EPDR1: variants seen among roughly 807,000 people sequenced by gnomAD.
EPDR1 encodes the protein mammalian ependymin-related protein 1.
In EPDR1, 27 loss-of-function variants were observed where a neutral mutation model predicts 23.7. The observed-to-expected ratio is 1.14, with a 90% CI of 0.84 to 1.57. EPDR1 has a LOEUF of 1.57. EPDR1 is among the 40% of genes most tolerant of loss of function. EPDR1 has a pLI of 0.00. For missense variants in EPDR1, 349 were observed against 290.4 expected (o/e 1.20, Z -1.47); for synonymous variants, 137 against 118.2 (o/e 1.16, Z -1.03).
intron 1 of EPDR1, among the ~76,000 whole-genome samples, chr7:37,944,024 T>C (rs1449280421): frequency 1.3e-5 from 2 of 152,162 alleles, no homozygotes; most frequent in African/African-American, 4.8e-5. Flanking sequence ...CCCGGGTCTC[T>C]CCATGGAGCA....
chr7:37,950,300 C>T lies in EPDR1; in HGVS notation c.579C>T (p.Asp193=), dbSNP rs1458747585. 1 of 1,614,038 alleles carries T rather than the reference C, an allele frequency of 6.2e-7. No homozygotes were observed. Among genetic ancestry groups the T allele is most frequent in the Non-Finnish European group, 8.5e-7 (1 of 1,179,978 alleles). Residue 193 remains aspartate, a synonymous_variant, in exon 3 of 3, where the codon GAC becomes GAT. Coordinates refer to ENST00000199448, the MANE Select transcript of EPDR1 (RefSeq NM_017549.5). ...YSVILSTRFF[D]IQLGIKDPSV... ...TGATATTGTCTACGCGGTTTTTTGA[C>T]ATCCAGCTGGGTATTAAAGACCCCT...
At chr7:37,946,850 A>T (rs1786286714) in intron 1 of EPDR1, among the ~76,000 whole-genome samples, 1 of 145,062 alleles carries the variant, frequency 6.9e-6, no homozygotes, top group Non-Finnish European at 1.6e-5. Context: ...AAATAAGGAC[A>T]TAAAGAAAAT....
chr7:37,947,114 C>A (rs539059618), intron 1 of EPDR1, among the ~76,000 whole-genome samples: 4 of 152,318 alleles, frequency 2.6e-5, no homozygotes, highest in South Asian at 2.1e-4. Context: ...CTCACCTACC[C>A]AGAGCAACTT....
intron 1 of EPDR1, among the ~76,000 whole-genome samples, chr7:37,948,012 G>A (rs571667829): frequency 2.0e-5 from 3 of 152,234 alleles, no homozygotes; most frequent in South Asian, 2.1e-4. Flanking sequence ...GGCTGCGCCC[G>A]TGCCGGATCA....
intron 1 of EPDR1, among the ~76,000 whole-genome samples, chr7:37,937,708 GATT>G (rs1269014022): frequency 6.6e-6 from 1 of 152,172 alleles, no homozygotes; most frequent in Non-Finnish European, 1.5e-5. Context: ...GAGATACTCA[GATT>G]GTTCACCTAA....
At position 37,950,562 on chromosome 7, in the gene EPDR1, G is replaced by T; in HGVS notation, c.*166G>T. 7.2e-6 allele frequency: 5 copies of T among 698,646 alleles called. No homozygotes were observed. The South Asian group carries it at 8.4e-5, about 12-fold the overall frequency. 43.3% of individuals were successfully genotyped at this position (698,646 alleles called of 1,614,324 possible). On this transcript the variant is annotated 3_prime_UTR_variant, in exon 3 of 3. Transcript: ENST00000199448. Reference sequence around the variant, plus strand: ...GATGTGTCTGATTTTGACTACTCAAGCTCTGTTTACAGAAGAAAATTGAAT... The same window carrying T: ...GATGTGTCTGATTTTGACTACTCAATCTCTGTTTACAGAAGAAAATTGAAT...
At chr7:37,942,117 G>A (rs35094257) in intron 1 of EPDR1, among the ~76,000 whole-genome samples, 51,258 of 152,034 alleles carry the variant, frequency 0.34, 8,768 homozygotes, top group African/African-American at 0.38. Context: ...ACTCATTTGC[G>A]TAAAATGAGT....
At position 37,921,217 on chromosome 7, in the gene EPDR1, C is replaced by G; in HGVS notation, c.269+9C>G. 1 of 1,576,488 alleles carries G rather than the reference C, an allele frequency of 6.3e-7. No homozygotes were observed. The highest frequency in any genetic ancestry group is 8.5e-7 in the Non-Finnish European group (1 of 1,171,400). On this transcript the variant is annotated intron_variant, in intron 1 of 2. Transcript: ENST00000199448. The stretch of plus-strand genomic sequence containing the variant: ...CTGATCCCCTGCAAGAGGTACAGGT[C>G]ATCGGCCCGCGGGGCGGGAGTAGGG...
chr7:37,948,514 T>A (rs1292299946), intron 1 of EPDR1, among the ~76,000 whole-genome samples: 1 of 152,004 alleles, frequency 6.6e-6, no homozygotes, highest in Non-Finnish European at 1.5e-5. Context: ...TGGCTAATTT[T>A]TAAAATTTTT....
At position 37,949,001 on chromosome 7, in the gene EPDR1, A is replaced by T. The variant is rs1786339533; in HGVS notation, c.431A>T (p.Glu144Val). The change falls in exon 2 of 3, where the codon GAG (glutamate) becomes GTG (valine). Residue 144 changes from glutamate to valine, a missense_variant. Physicochemically the swap from Glu to Val is moderately radical, Grantham distance 121 (BLOSUM62 -2). Transcript: ENST00000199448. ...EDQYSIGGPQ[E>V]QITVQEWSDR... ...CAGTACTCCATCGGGGGGCCTCAGG[A>T]GCAGATCACCGTCCAGGAGTGGTCG... 3 of 1,614,154 alleles carry T rather than the reference A, an allele frequency of 1.9e-6. No individual in the cohort carries two copies. Among genetic ancestry groups the T allele is most frequent in the Non-Finnish European group, 2.5e-6 (3 of 1,180,032 alleles).
chr7:37,932,658 G>T (rs1785968507), intron 1 of EPDR1, among the ~76,000 whole-genome samples: 1 of 152,290 alleles, frequency 6.6e-6, no homozygotes, highest in Admixed American at 6.5e-5. Flanking sequence ...ACCCTGCACT[G>T]TCCTTCCCAT....
intron 1 of EPDR1, among the ~76,000 whole-genome samples, chr7:37,922,342 G>A (rs1221242608): frequency 6.6e-6 from 1 of 152,146 alleles, no homozygotes; most frequent in Admixed American, 6.5e-5. Context: ...TATCAAGGGT[G>A]CAAAATAATG....
At chr7:37,924,957 A>C (rs960907584) in intron 1 of EPDR1, among the ~76,000 whole-genome samples, 25 of 152,336 alleles carry the variant, frequency 1.6e-4, no homozygotes, top group Non-Finnish European at 3.1e-4. Context: ...ATAGTTATGG[A>C]AAATCCCATT....
At chr7:37,948,749 A>G in intron 1 of EPDR1, 91 bp from the exon 2 acceptor site, 1 of 951,192 alleles carries the variant, frequency 1.1e-6, no homozygotes, top group Non-Finnish European at 1.6e-6. Flanking sequence ...TCTATTTTAA[A>G]AGTAATATCT....
intron 1 of EPDR1, among the ~76,000 whole-genome samples, chr7:37,936,885 G>A (rs1450416806): frequency 6.6e-6 from 1 of 152,054 alleles, no homozygotes; most frequent in African/African-American, 2.4e-5. Context: ...ATGCAAAAAA[G>A]CAGGATTTAT....
intron 1 of EPDR1, among the ~76,000 whole-genome samples, chr7:37,933,140 G>A (rs1224936298): frequency 1.3e-5 from 2 of 152,218 alleles, no homozygotes; most frequent in Non-Finnish European, 2.9e-5. Flanking sequence ...AATCATTGCA[G>A]GGTGTAACTC....
intron 1 of EPDR1, 135 bp downstream of exon 1, chr7:37,921,343 G>C: frequency 2.1e-6 from 3 of 1,421,648 alleles, no homozygotes; most frequent in Non-Finnish European, 2.7e-6. Flanking sequence ...GATCTTTCGC[G>C]AGGAGGGTCT....
At chr7:37,930,392 A>G (rs1785911572) in intron 1 of EPDR1, among the ~76,000 whole-genome samples, 1 of 152,198 alleles carries the variant, frequency 6.6e-6, no homozygotes, top group African/African-American at 2.4e-5. Context: ...ACTTATGAGG[A>G]GTATCTGAGT....
chr7:37,932,174 T>C (rs946764954), intron 1 of EPDR1, among the ~76,000 whole-genome samples: 1 of 152,196 alleles, frequency 6.6e-6, no homozygotes, highest in African/African-American at 2.4e-5. Context: ...TTTTCCCCTC[T>C]GAATTCTACA....
Sources: gnomAD v4.1 joint callset for allele counts (sites outside exome capture counted in the v4.1 genomes callset) on GRCh38, gnomAD v4.1.1 for gene constraint, MANE v1.5 for transcripts, NCBI Gene and HGNC (gene_info 2026-07-23, HGNC 2026-07-21) for gene names.